The following SCFD2 variants were observed in gnomAD, a reference collection of about 807,000 sequenced individuals.
SCFD2 encodes the protein sec1 family domain-containing protein 2.
A neutral mutation model predicts 58.9 loss-of-function variants in SCFD2; 54 were observed. The ratio of observed to expected loss-of-function variants is 0.92; its 90% CI spans 0.74 to 1.15. The LOEUF (loss-of-function observed/expected upper bound fraction) is 1.15. SCFD2 is among the 50% of genes most tolerant of loss of function. SCFD2 has a pLI of 0.00. For synonymous variants in SCFD2, 321 were observed against 335.9 expected (o/e 0.96, Z 0.49); for missense variants, 805 against 836.6 (o/e 0.96, Z 0.47).
At chr4:53,023,987 A>G (rs1453672074) in intron 5 of SCFD2, among the ~76,000 whole-genome samples, 1 of 152,188 alleles carries the variant, frequency 6.6e-6, no homozygotes, top group Non-Finnish European at 1.5e-5. Context: ...CCAGAGTTCT[A>G]GAGACACTGT....
chr4:53,039,972 T>G (rs1722854585), intron 5 of SCFD2, among the ~76,000 whole-genome samples: 1 of 152,158 alleles, frequency 6.6e-6, no homozygotes, highest in Non-Finnish European at 1.5e-5. Flanking sequence ...TTACACTCCT[T>G]CTGTCTTGAA....
At chr4:53,129,165 G>T (rs1302528749) in intron 5 of SCFD2, among the ~76,000 whole-genome samples, 1 of 152,136 alleles carries the variant, frequency 6.6e-6, no homozygotes, top group African/African-American at 2.4e-5. Context: ...CTTTCTGTCA[G>T]GTTGGCAACA....
rs149284553 is a variant in SCFD2 at position 53,365,930 on chromosome 4, C to T, written c.12G>A (p.Ser4=). The T allele has an allele frequency of 5.9e-6, 9 of 1,536,372 alleles. No individual in the cohort carries two copies. The highest frequency in any genetic ancestry group is 1.7e-4 in the Middle Eastern group (1 of 5,738). The part of the protein sequence containing the change: MSA[S]GVLSFTQQGW... Reference sequence around the variant, plus strand: ...CTTGCTGGGTAAAGGACAGTACGCCCGAGGCGCTCATGGTTGGGGATTCGC... The same window carrying T: ...CTTGCTGGGTAAAGGACAGTACGCCTGAGGCGCTCATGGTTGGGGATTCGC... The change falls in exon 1 of 9, where the codon TCG becomes TCA. Residue 4 remains serine (S), a synonymous_variant. Coordinates refer to ENST00000401642, the MANE Select transcript of SCFD2 (RefSeq NM_152540.4). This position sits in a 1 kb window ranked among gnomAD's most constrained non-coding sequence, Gnocchi z 4.3.
intron 6 of SCFD2, among the ~76,000 whole-genome samples, chr4:52,911,291 G>C (rs148048705): frequency 3.5e-3 from 539 of 152,260 alleles, no homozygotes; most frequent in Non-Finnish European, 4.7e-3. Context: ...TGGAGGGATT[G>C]GGGTAAGTAG....
chr4:53,088,347 C>A lies in SCFD2; in HGVS notation c.1561+56986G>T, dbSNP rs1305547924. ...ACCCAAAATAGTGACAGCAGGACTGCCAAAAGGCTTGGAGCCTAAGCCCTG... is the reference window on the plus strand; with the variant it reads ...ACCCAAAATAGTGACAGCAGGACTGACAAAAGGCTTGGAGCCTAAGCCCTG... On this transcript the variant is annotated intron_variant, in intron 5 of 8. Coordinates refer to ENST00000401642, the MANE Select transcript of SCFD2 (RefSeq NM_152540.4). Among the ~76,000 whole-genome samples, 11 of 152,156 alleles carry A rather than the reference C, an allele frequency of 7.2e-5. No individual in the cohort carries two copies. In the South Asian group the frequency reaches 1.0e-3, roughly 14 times the overall value.
intron 5 of SCFD2, among the ~76,000 whole-genome samples, chr4:53,075,969 A>G (rs1723960252): frequency 6.6e-6 from 1 of 152,168 alleles, no homozygotes; most frequent in South Asian, 2.1e-4. Context: ...ACAAAACCAT[A>G]CAAAAAATGC....
intron 3 of SCFD2, among the ~76,000 whole-genome samples, chr4:53,287,326 A>T (rs578093575): frequency 1.3e-5 from 2 of 152,270 alleles, no homozygotes; most frequent in African/African-American, 4.8e-5. Flanking sequence ...CAGACCTGGC[A>T]CCAAGAAGGA....
At chr4:53,259,564 G>C (rs1019753362) in intron 4 of SCFD2, among the ~76,000 whole-genome samples, 5 of 152,220 alleles carry the variant, frequency 3.3e-5, no homozygotes, top group African/African-American at 1.2e-4. Context: ...TCTCTATTCT[G>C]TTCCACTGGT....
intron 5 of SCFD2, among the ~76,000 whole-genome samples, chr4:52,983,103 C>A (rs1721413214): frequency 6.6e-6 from 1 of 152,070 alleles, no homozygotes; most frequent in Non-Finnish European, 1.5e-5. Context: ...TGTTTCAGTG[C>A]CTTCACAATA....
chr4:53,273,725 C>T (rs1189637893), intron 4 of SCFD2, 101 bp downstream of exon 4: 1 of 1,048,590 alleles, frequency 9.5e-7, no homozygotes, highest in African/African-American at 1.6e-5. Flanking sequence ...CACATGTCAA[C>T]AATATGATTT....
chr4:52,930,029 A>C (rs1257138944), intron 5 of SCFD2, among the ~76,000 whole-genome samples: 1 of 152,206 alleles, frequency 6.6e-6, no homozygotes, highest in African/African-American at 2.4e-5. Context: ...TGGAAACAAA[A>C]AAGAGCCTGT....
chr4:53,007,335 G>GAGAGA (rs1560508028), intron 5 of SCFD2, among the ~76,000 whole-genome samples: 55 of 39,174 alleles, frequency 1.4e-3, no homozygotes, highest in Middle Eastern at 0.023. Context: ...AGAGAGAGAG[G>GAGAGA]GAGAGAGAGA....
At chr4:52,890,360 G>C (rs2109452165) in intron 7 of SCFD2, among the ~76,000 whole-genome samples, 1 of 152,316 alleles carries the variant, frequency 6.6e-6, no homozygotes, top group East Asian at 1.9e-4. Flanking sequence ...GTTGGTTTTG[G>C]TACAAATAAA....
At chr4:53,073,403 T>C (rs1723880366) in intron 5 of SCFD2, among the ~76,000 whole-genome samples, 1 of 152,132 alleles carries the variant, frequency 6.6e-6, no homozygotes, top group Non-Finnish European at 1.5e-5. Context: ...TTCTATTGCT[T>C]GGATAAAGCT....
intron 5 of SCFD2, among the ~76,000 whole-genome samples, chr4:52,992,822 A>T (rs1470164653): frequency 6.8e-6 from 1 of 146,106 alleles, no homozygotes; most frequent in East Asian, 2.1e-4. Context: ...GAGGTGGGGG[A>T]TGCCTCTGCC....
chr4:53,095,094 G>A (rs969807248), intron 5 of SCFD2, among the ~76,000 whole-genome samples: 10 of 151,926 alleles, frequency 6.6e-5, no homozygotes, highest in Non-Finnish European at 7.4e-5. Context: ...TCTATTGAAC[G>A]TTACTTCTTG....
intron 5 of SCFD2, among the ~76,000 whole-genome samples, chr4:52,934,071 G>C (rs1157070335): frequency 6.6e-6 from 1 of 152,084 alleles, no homozygotes; most frequent in Non-Finnish European, 1.5e-5. Context: ...AATTTACCTA[G>C]TCTGTGATAT....
At chr4:53,255,255 C>T (rs188020581) in intron 4 of SCFD2, among the ~76,000 whole-genome samples, 119 of 134,956 alleles carry the variant, frequency 8.8e-4, no homozygotes, top group African/African-American at 3.0e-3. Context: ...GGGTGTTTCT[C>T]GCAGAGGGGG....
intron 4 of SCFD2, among the ~76,000 whole-genome samples, chr4:53,249,824 C>T (rs544608433): frequency 9.0e-4 from 137 of 152,280 alleles, no homozygotes; most frequent in African/African-American, 2.7e-3. Flanking sequence ...AAGGAACAAC[C>T]GGTACCAGCC....
Sources: gnomAD v4.1 joint callset for allele counts (sites outside exome capture counted in the v4.1 genomes callset) on GRCh38, gnomAD v4.1.1 for gene constraint, Gnocchi (gnomAD v3.1) non-coding constraint, MANE v1.5 for transcripts, NCBI Gene and HGNC (gene_info 2026-07-23, HGNC 2026-07-21) for gene names.